Variants in ASZ1 observed in about 807,000 individuals in gnomAD.
The protein encoded by ASZ1 is ankyrin repeat, SAM and basic leucine zipper domain containing 1, also known as ankyrin repeat, SAM and basic leucine zipper domain-containing protein 1.
In ASZ1, 67 loss-of-function variants were observed where a neutral mutation model predicts 61.8. The observed-to-expected ratio is 1.08, with a 90% CI of 0.89 to 1.33. The LOEUF is 1.33. ASZ1 is among the 40% of genes most tolerant of loss of function. The probability of loss-of-function intolerance (pLI) is 0.00; values close to 1 mark genes in which losing one functional copy is unlikely to be tolerated. For synonymous variants in ASZ1, 193 were observed against 192.7 expected, an observed-to-expected ratio of 1.00 and a Z score of -0.01; for missense variants, 577 against 554.5, an observed-to-expected ratio of 1.04 and a Z score of -0.41.
intron 4 of ASZ1, among the ~76,000 whole-genome samples, chr7:117,391,139 A>G (rs1270689120): frequency 6.7e-6 from 1 of 149,820 alleles, no homozygotes; most frequent in Non-Finnish European, 1.5e-5. Flanking sequence ...TTTTTTTGAG[A>G]AGTGACTGTT....
intron 5 of ASZ1, among the ~76,000 whole-genome samples, chr7:117,385,158 T>C (rs916973786): frequency 2.0e-5 from 3 of 152,192 alleles, no homozygotes; most frequent in Admixed American, 6.6e-5. Flanking sequence ...AAATAATTCT[T>C]ATGTATATTT....
At position 117,385,770 on chromosome 7, in the gene ASZ1, A is replaced by G. The variant is rs752561261; in HGVS notation, c.480T>C (p.Gly160=). ...CAAGGAGAGCAACAACCTGGGTGTGACCATCTCGAGCAGCATACATGATTG... is the reference window on the plus strand; with the variant it reads ...CAAGGAGAGCAACAACCTGGGTGTGGCCATCTCGAGCAGCATACATGATTG... ...MTPIMYAARD[G]HTQVVALLVA... Residue 160 remains glycine, a synonymous_variant, in exon 5 of 13, where the codon GGT becomes GGC. Transcript: ENST00000284629. 7 of 1,613,652 alleles carry G rather than the reference A, an allele frequency of 4.3e-6. No homozygotes were observed. In the South Asian group the frequency reaches 7.7e-5, roughly 18 times the overall value.
At chr7:117,408,911 T>A (rs981516789) in intron 4 of ASZ1, among the ~76,000 whole-genome samples, 1 of 152,006 alleles carries the variant, frequency 6.6e-6, no homozygotes. Context: ...GAGATGTGGG[T>A]TACATGGGTA....
At chr7:117,368,791 A>T (rs1171072121) in intron 10 of ASZ1, 74 bp from the exon 11 acceptor site, 3 of 1,586,596 alleles carry the variant, frequency 1.9e-6, no homozygotes, top group Admixed American at 3.8e-5. Flanking sequence ...TAGGCAAGTT[A>T]CTGAAAATCT....
chr7:117,422,409 A>C, intron 2 of ASZ1, 50 bp from the exon 3 acceptor site: 1 of 1,587,810 alleles, frequency 6.3e-7, no homozygotes, highest in Non-Finnish European at 8.6e-7. Flanking sequence ...CCAAAGAAAA[A>C]AATCAGTCAC....
chr7:117,411,233 A>G (rs960343101), intron 4 of ASZ1, among the ~76,000 whole-genome samples: 8 of 151,806 alleles, frequency 5.3e-5, no homozygotes, highest in Non-Finnish European at 1.0e-4. Context: ...TGTCTTAAAT[A>G]TGCAAGATAA....
At chr7:117,419,912 T>C (rs1353698495) in intron 4 of ASZ1, among the ~76,000 whole-genome samples, 1 of 152,226 alleles carries the variant, frequency 6.6e-6, no homozygotes, top group Non-Finnish European at 1.5e-5. Context: ...AAAGATACTA[T>C]AGTTTATTGT....
chr7:117,413,091 GA>G (rs941428728), intron 4 of ASZ1, among the ~76,000 whole-genome samples: 7 of 149,542 alleles, frequency 4.7e-5, no homozygotes, highest in Non-Finnish European at 8.9e-5. Context: ...GAACAAGACA[GA>G]AAAAAAAACC....
chr7:117,417,585 A>G (rs912304374), intron 4 of ASZ1, among the ~76,000 whole-genome samples: 1 of 152,154 alleles, frequency 6.6e-6, no homozygotes, highest in Non-Finnish European at 1.5e-5. Context: ...TGTCTTTCAC[A>G]TTGACAGCAC....
At chr7:117,376,595 A>G (rs570055554) in intron 10 of ASZ1, among the ~76,000 whole-genome samples, 26 of 152,258 alleles carry the variant, frequency 1.7e-4, no homozygotes, top group African/African-American at 6.3e-4. Context: ...ATAATAACCC[A>G]CAACCACATG....
At chr7:117,379,236 G>A (rs1351721527) in intron 10 of ASZ1, among the ~76,000 whole-genome samples, 2 of 147,852 alleles carry the variant, frequency 1.4e-5, no homozygotes, top group African/African-American at 5.0e-5. Flanking sequence ...AGCCGTATGG[G>A]TCATACCAAT....
chr7:117,384,264 A>C (rs903811527), intron 6 of ASZ1, among the ~76,000 whole-genome samples: 1 of 152,110 alleles, frequency 6.6e-6, no homozygotes, highest in Non-Finnish European at 1.5e-5. Flanking sequence ...GTATATTATC[A>C]CTTTATCGTA....
chr7:117,367,167 G>C lies in ASZ1; in HGVS notation c.1275+185C>G, dbSNP rs183913767. On this transcript the variant is annotated intron_variant, in intron 12 of 12. Transcript: ENST00000284629. ...AAATGACATATTCTTCTTTTAGTAC[G>C]CATTTGCTTAATGGCCAACAAAGTC... Among the ~76,000 whole-genome samples, 104 of 152,204 alleles carry C rather than the reference G, an allele frequency of 6.8e-4. 1 individual carries two copies. The East Asian group carries it at 0.017, about 25-fold the overall frequency.
chr7:117,412,014 G>T (rs1047046757), intron 4 of ASZ1, among the ~76,000 whole-genome samples: 1 of 150,354 alleles, frequency 6.7e-6, no homozygotes, highest in Non-Finnish European at 1.5e-5. Context: ...TACTGACAAG[G>T]AAAGATCCCA....
rs1795864004 is a variant in ASZ1 at position 117,363,445 on chromosome 7, C to CT, written c.*150dup. 1.8e-6 allele frequency: 1 copy of CT among 560,220 alleles called. No individual in the cohort carries two copies. The highest frequency in any genetic ancestry group is 2.7e-6 in the Non-Finnish European group (1 of 368,618). 34.7% of individuals were successfully genotyped at this position (560,220 alleles called of 1,614,324 possible). ...ATTTATAAGTCAAAGTAACAAACCA[C>CT]TTTTTAAAAAAAAACTCCACATTGT... On this transcript the variant is annotated 3_prime_UTR_variant, in exon 13 of 13. Transcript: ENST00000284629.
rs1156864961 is a variant in ASZ1 at position 117,403,366 on chromosome 7, T to A, written c.440+16797A>T. On this transcript the variant is annotated intron_variant, in intron 4 of 12. Transcript: ENST00000284629. ...ATGTCCACCTGGGCTAACTCCTTAA[T>A]ACTTTCTGTGATTTTATCATGCCCC... Among the ~76,000 whole-genome samples the A allele has an allele frequency of 2.6e-5, 4 of 152,134 alleles. No homozygotes were observed. In the South Asian group the frequency reaches 6.2e-4, roughly 24 times the overall value.
intron 4 of ASZ1, among the ~76,000 whole-genome samples, chr7:117,416,367 TG>T (rs1329888045): frequency 6.6e-6 from 1 of 152,212 alleles, no homozygotes; most frequent in Non-Finnish European, 1.5e-5. Context: ...AATGAAATCT[TG>T]TTAACAACTT....
chr7:117,375,921 AAG>A (rs1304118582), intron 10 of ASZ1, among the ~76,000 whole-genome samples: 6 of 152,126 alleles, frequency 3.9e-5, no homozygotes, highest in East Asian at 1.9e-4. Flanking sequence ...AATCTAGAAA[AAG>A]AGCAAAATAA....
At chr7:117,368,450 G>C in intron 11 of ASZ1, 162 bp downstream of exon 11, 1 of 1,358,814 alleles carries the variant, frequency 7.4e-7, no homozygotes, top group African/African-American at 1.5e-5. Flanking sequence ...GTATGTAAAG[G>C]AGTAATATTA....
Sources: allele counts gnomAD v4.1 joint callset (sites outside exome capture counted in the v4.1 genomes callset), GRCh38; gene constraint gnomAD v4.1.1; transcripts MANE v1.5; gene names NCBI Gene and HGNC (gene_info 2026-07-23, HGNC 2026-07-21).